CCDC102B: variants seen among roughly 807,000 people sequenced by gnomAD.
The protein encoded by CCDC102B is coiled-coil domain-containing protein 102B.
A neutral mutation model predicts 57.4 loss-of-function variants in CCDC102B; 75 were observed. The observed-to-expected ratio is 1.31, with a 90% CI of 1.08 to 1.58. The LOEUF (loss-of-function observed/expected upper bound fraction) is 1.58, where lower values mean the gene tolerates loss of function less well. CCDC102B is among the 40% of genes most tolerant of loss of function. The pLI is 0.00. For synonymous variants in CCDC102B, 206 were observed against 201.9 expected, an observed-to-expected ratio of 1.02 and a Z score of -0.17; for missense variants, 636 against 582.6, an observed-to-expected ratio of 1.09 and a Z score of -0.94.
chr18:68,805,780 G>A (rs1413175493), intron 1 of CCDC102B, among the ~76,000 whole-genome samples: 2 of 152,068 alleles, frequency 1.3e-5, no homozygotes, highest in Non-Finnish European at 2.9e-5. Context: ...ATGTTGTAAC[G>A]ACACTATATA....
chr18:68,761,077 A>G lies in CCDC102B; in HGVS notation c.-67+44483A>G, dbSNP rs754057521. 3.3e-5 allele frequency among the ~76,000 whole-genome samples: 5 copies of G among 152,096 alleles called. No homozygotes were observed. In the South Asian group the frequency reaches 1.0e-3, roughly 32 times the overall value. ...CTAAATGGAGGGAGTACACCCTTCTATGGCTTTCCTTGCTCTGTGCCGTGG... is the reference window on the plus strand; with the variant it reads ...CTAAATGGAGGGAGTACACCCTTCTGTGGCTTTCCTTGCTCTGTGCCGTGG... On this transcript the variant is annotated intron_variant, in intron 2 of 3. Coordinates refer to the CCDC102B transcript ENST00000578970.
At chr18:69,053,168 AG>A (rs1334933627) in intron 7 of CCDC102B, among the ~76,000 whole-genome samples, 1 of 151,882 alleles carries the variant, frequency 6.6e-6, no homozygotes, top group Non-Finnish European at 1.5e-5. Flanking sequence ...GTGCTATAAT[AG>A]AGAGGACAAA....
chr18:68,863,603 A>G (rs1452568619), intron 4 of CCDC102B, among the ~76,000 whole-genome samples: 11 of 152,026 alleles, frequency 7.2e-5, no homozygotes, highest in Non-Finnish European at 1.5e-4. Context: ...GTTCATTTAA[A>G]TAAGTCAGGA....
At chr18:68,873,481 A>G (rs1425741168) in intron 4 of CCDC102B, among the ~76,000 whole-genome samples, 1 of 152,122 alleles carries the variant, frequency 6.6e-6, no homozygotes, top group Non-Finnish European at 1.5e-5. Context: ...CAGGTAATGC[A>G]TTTGGCAAGA....
intron 2 of CCDC102B, among the ~76,000 whole-genome samples, chr18:68,757,483 G>C (rs2034089690): frequency 6.6e-6 from 1 of 151,934 alleles, no homozygotes; most frequent in South Asian, 2.1e-4. Flanking sequence ...TAACAAACTG[G>C]TCAACCAGAT....
intron 4 of CCDC102B, among the ~76,000 whole-genome samples, chr18:68,854,318 T>C (rs988006163): frequency 6.6e-6 from 1 of 152,150 alleles, no homozygotes; most frequent in Admixed American, 6.5e-5. Context: ...TAGGCTGGTC[T>C]GGAACTCCCG....
At chr18:68,844,677 G>A (rs183653033) in intron 3 of CCDC102B, among the ~76,000 whole-genome samples, 35 of 151,920 alleles carry the variant, frequency 2.3e-4, no homozygotes, top group Middle Eastern at 3.4e-3. Context: ...ACCATATGAT[G>A]ATTTGTACAT....
chr18:68,982,293 T>A (rs1435724085), intron 6 of CCDC102B, among the ~76,000 whole-genome samples: 3 of 151,996 alleles, frequency 2.0e-5, no homozygotes. Flanking sequence ...TGTATTGAAC[T>A]TAGTATATGA....
chr18:68,942,826 C>A (rs1348377746), intron 6 of CCDC102B, among the ~76,000 whole-genome samples: 1 of 150,176 alleles, frequency 6.7e-6, no homozygotes, highest in Non-Finnish European at 1.5e-5. Context: ...TTACAGGTGT[C>A]GGGCTGGGGT....
chr18:68,770,902 A>G (rs1229379129), intron 2 of CCDC102B, among the ~76,000 whole-genome samples: 1 of 152,264 alleles, frequency 6.6e-6, no homozygotes, highest in Non-Finnish European at 1.5e-5. Context: ...AGTACTCAGC[A>G]TGGTGTTTTA....
At position 68,784,042 on chromosome 18, in the gene CCDC102B, T is replaced by G. The variant is rs1477782484; in HGVS notation, c.-66-39324T>G. ...TCATTTATATGAATTTTTTAAATCC[T>G]TAAGCTGCACTGGCTTACCTCACAT... On this transcript the variant is annotated intron_variant, in intron 2 of 3. Transcript: ENST00000578970. Among the ~76,000 whole-genome samples, 3 of 152,234 alleles carry G rather than the reference T, an allele frequency of 2.0e-5. No homozygotes were observed. The East Asian group carries it at 5.8e-4, about 29-fold the overall frequency.
At chr18:68,913,346 T>A (rs1468510944) in intron 6 of CCDC102B, among the ~76,000 whole-genome samples, 2 of 15,780 alleles carry the variant, frequency 1.3e-4, no homozygotes, top group Admixed American at 6.1e-4. Flanking sequence ...GTGTGTGTGG[T>A]CCTACTTTAA....
At chr18:69,035,129 A>G (rs530712419) in intron 7 of CCDC102B, among the ~76,000 whole-genome samples, 52 of 152,182 alleles carry the variant, frequency 3.4e-4, no homozygotes, top group African/African-American at 1.1e-3. Flanking sequence ...CTCCATACAT[A>G]TAACAATTGC....
chr18:68,817,874 A>G (rs1229883301), intron 1 of CCDC102B, among the ~76,000 whole-genome samples: 1 of 152,206 alleles, frequency 6.6e-6, no homozygotes, highest in Non-Finnish European at 1.5e-5. Context: ...TATTAACTTC[A>G]TAAGACAAGG....
rs536400024 is a variant in CCDC102B, at chr18:69,033,069, T to C, written c.1435-20961T>C. On this transcript the variant is annotated intron_variant, in intron 7 of 7. Coordinates refer to ENST00000360242, the MANE Select transcript of CCDC102B (RefSeq NM_024781.3). ...AATTTTTAAAGATTTTAAAAGTTTA[T>C]CATATAGAGATAAAGCATTATAATG... 2.0e-5 allele frequency among the ~76,000 whole-genome samples: 3 copies of C among 152,260 alleles called. No homozygotes were observed. The East Asian group carries it at 5.8e-4, about 29-fold the overall frequency.
intron 2 of CCDC102B, among the ~76,000 whole-genome samples, chr18:68,786,144 T>C (rs1043731412): frequency 5.4e-5 from 8 of 148,630 alleles, no homozygotes; most frequent in Admixed American, 4.7e-4. Flanking sequence ...GTTGTAGATA[T>C]GTGGCATTAT....
intron 2 of CCDC102B, among the ~76,000 whole-genome samples, chr18:68,745,548 C>T (rs1044237438): frequency 7.2e-5 from 11 of 151,892 alleles, no homozygotes; most frequent in Admixed American, 3.3e-4. Flanking sequence ...GATTAGTGAG[C>T]GTATCTATCA....
In CCDC102B at chr18:68,910,100, C is replaced by G. The variant is rs1225115328; in HGVS notation, c.1263+12672C>G. On this transcript the variant is annotated intron_variant, in intron 6 of 7. Coordinates refer to ENST00000360242, the MANE Select transcript of CCDC102B (RefSeq NM_024781.3). ...GGCCCGGTCAAATCATTTGACCAGC[C>G]TGGCCAACACGGTGAAACACCGTGT... Among the ~76,000 whole-genome samples, 5 of 152,100 alleles carry G rather than the reference C, an allele frequency of 3.3e-5. No homozygotes were observed. The South Asian group carries it at 1.0e-3, about 32-fold the overall frequency.
At position 68,983,033 on chromosome 18, in the gene CCDC102B, C is replaced by T. The variant is rs148813062; in HGVS notation, c.1264-27901C>T. ...ATACATTAAAATATAGGTTTTAAAA[C>T]GAGTGCTTTAATTATCTAATTATTT... is the stretch of plus-strand genomic sequence containing the variant. On this transcript the variant is annotated intron_variant, in intron 6 of 7. Transcript: ENST00000360242. Among the ~76,000 whole-genome samples the T allele has an allele frequency of 7.8e-4, 118 of 151,846 alleles. 2 individuals are homozygous for T. In the East Asian group the frequency reaches 0.02, roughly 26 times the overall value.
Sources: gnomAD v4.1 joint callset for allele counts (sites outside exome capture counted in the v4.1 genomes callset) on GRCh38, gnomAD v4.1.1 for gene constraint, MANE v1.5 for transcripts, NCBI Gene and HGNC (gene_info 2026-07-23, HGNC 2026-07-21) for gene names.